ROBO2: variants seen among roughly 807,000 people sequenced by gnomAD.
ROBO2 encodes the protein roundabout homolog 2.
ROBO2 carries 53 observed loss-of-function variants against 160.8 expected under a neutral mutation model. That is an observed-to-expected ratio of 0.33 (90% CI 0.26 to 0.41). The LOEUF is 0.41. Ranked by LOEUF, ROBO2 falls within the 10% of genes least tolerant of loss-of-function variation. The pLI is 1.00. For missense variants in ROBO2, 1,577 were observed against 1,722.4 expected (o/e 0.92, Z 1.49); for synonymous variants, 664 against 611.7 (o/e 1.09, Z -1.26).
chr3:76,113,185 T>G (rs1002927129), intron 2 of ROBO2, among the ~76,000 whole-genome samples: 1 of 152,166 alleles, frequency 6.6e-6, no homozygotes, highest in African/African-American at 2.4e-5. Flanking sequence ...TAAAGACTTA[T>G]GTAATTATTC....
intron 2 of ROBO2, among the ~76,000 whole-genome samples, chr3:76,409,831 C>T (rs558528180): frequency 3.3e-5 from 5 of 152,062 alleles, no homozygotes; most frequent in Admixed American, 6.6e-5. Context: ...CTTAAATAAG[C>T]GAAACAAATG....
At position 76,033,749 on chromosome 3, in the gene ROBO2, G is replaced by T. The variant is rs370591763; in HGVS notation, c.109+96147G>T. Among the ~76,000 whole-genome samples the T allele has an allele frequency of 4.7e-4, 71 of 152,292 alleles. No homozygotes were observed. In the South Asian group the frequency reaches 0.014, roughly 30 times the overall value. Reference sequence around the variant, plus strand: ...GGCTGGGACAGCTCACCTGGAGCTAGTGGAACCCATTGGCCTCATTCACAC... The same window carrying T: ...GGCTGGGACAGCTCACCTGGAGCTATTGGAACCCATTGGCCTCATTCACAC... On this transcript the variant is annotated intron_variant, in intron 2 of 26. Transcript: ENST00000487694.
chr3:76,904,161 T>A (rs2075432899), intron 2 of ROBO2, among the ~76,000 whole-genome samples: 1 of 152,200 alleles, frequency 6.6e-6, no homozygotes, highest in South Asian at 2.1e-4. Flanking sequence ...TCATTTTAAC[T>A]ATTTTTAAGG....
chr3:77,137,376 G>A (rs570928024), intron 2 of ROBO2, among the ~76,000 whole-genome samples: 9 of 151,992 alleles, frequency 5.9e-5, no homozygotes, highest in South Asian at 2.1e-4. Flanking sequence ...ACAGGCATGC[G>A]CCACCACGCC....
At chr3:77,109,576 A>G (rs2073301769) in intron 2 of ROBO2, among the ~76,000 whole-genome samples, 1 of 152,212 alleles carries the variant, frequency 6.6e-6, no homozygotes. Context: ...GAGAATGTGG[A>G]ACAGGTGAAA....
At chr3:77,113,314 A>G (rs1360451484) in intron 2 of ROBO2, among the ~76,000 whole-genome samples, 1 of 152,198 alleles carries the variant, frequency 6.6e-6, no homozygotes, top group African/African-American at 2.4e-5. Flanking sequence ...TTTAATATTC[A>G]TACAGGATTT....
intron 2 of ROBO2, among the ~76,000 whole-genome samples, chr3:76,625,453 T>C (rs1449829973): frequency 3.3e-5 from 5 of 152,068 alleles, no homozygotes; most frequent in Non-Finnish European, 7.4e-5. Context: ...ATACATGTAC[T>C]ATGGGGGCCA....
At chr3:76,978,674 A>G (rs1333761219) in intron 2 of ROBO2, among the ~76,000 whole-genome samples, 2 of 152,138 alleles carry the variant, frequency 1.3e-5, no homozygotes, top group Non-Finnish European at 2.9e-5. Flanking sequence ...GAAATAAAAT[A>G]GGTAACAGAT....
intron 2 of ROBO2, among the ~76,000 whole-genome samples, chr3:76,129,007 G>A (rs79319000): frequency 0.021 from 3,143 of 151,470 alleles, 106 homozygotes; most frequent in African/African-American, 0.064. Flanking sequence ...CCTTTGCTGT[G>A]AGGTTATACT....
chr3:77,081,597 GC>G (rs2068664899), intron 1 of ROBO2, among the ~76,000 whole-genome samples: 2 of 152,224 alleles, frequency 1.3e-5, no homozygotes, highest in South Asian at 4.1e-4. Flanking sequence ...AGTGTGGGCT[GC>G]CTGCCAGTGT....
At chr3:75,972,023 T>G (rs1366300265) in intron 2 of ROBO2, among the ~76,000 whole-genome samples, 1 of 151,664 alleles carries the variant, frequency 6.6e-6, no homozygotes, top group Non-Finnish European at 1.5e-5. Context: ...CTTAGAAAAG[T>G]GAGATTTCAG....
intron 2 of ROBO2, among the ~76,000 whole-genome samples, chr3:77,202,356 T>A (rs1005268338): frequency 3.9e-5 from 6 of 152,174 alleles, no homozygotes; most frequent in African/African-American, 1.4e-4. Context: ...CATCTACATT[T>A]TAGAGTGATA....
At chr3:76,136,432 T>A (rs972974286) in intron 2 of ROBO2, among the ~76,000 whole-genome samples, 1 of 152,122 alleles carries the variant, frequency 6.6e-6, no homozygotes, top group African/African-American at 2.4e-5. Context: ...AACTTGATAA[T>A]GATTGAAAAA....
Position 77,305,075 on chromosome 3 carries a change from G to C in ROBO2, c.389-172339G>C, listed in dbSNP as rs576228779. 2.6e-5 allele frequency among the ~76,000 whole-genome samples: 4 copies of C among 152,234 alleles called. No homozygotes were observed. The East Asian group carries it at 5.8e-4, about 22-fold the overall frequency. ...TATTTGCTCAATAAGGACTCTATTTGTTGGCCTCAATGAGTTAATTTAAGT... is the reference window on the plus strand; with the variant it reads ...TATTTGCTCAATAAGGACTCTATTTCTTGGCCTCAATGAGTTAATTTAAGT... On this transcript the variant is annotated intron_variant, in intron 2 of 25. Coordinates refer to ENST00000461745, the Ensembl canonical transcript of ROBO2.
intron 1 of ROBO2, among the ~76,000 whole-genome samples, chr3:75,928,626 T>C (rs1048815843): frequency 9.2e-5 from 14 of 152,200 alleles, no homozygotes; most frequent in African/African-American, 3.4e-4. Context: ...AGAGCTGGAC[T>C]CTTTTTCTTT....
intron 2 of ROBO2, among the ~76,000 whole-genome samples, chr3:76,892,607 T>C (rs1286222155): frequency 6.6e-6 from 1 of 152,278 alleles, no homozygotes. Context: ...AAGCTCTATA[T>C]GCTTTGTCCT....
At chr3:76,288,624 A>G (rs961043403) in intron 2 of ROBO2, among the ~76,000 whole-genome samples, 1 of 152,074 alleles carries the variant, frequency 6.6e-6, no homozygotes, top group Non-Finnish European at 1.5e-5. Flanking sequence ...AGAGTTTTCA[A>G]TCTTCGCTCT....
At chr3:77,164,904 G>C (rs1295200317) in intron 2 of ROBO2, among the ~76,000 whole-genome samples, 1 of 102,680 alleles carries the variant, frequency 9.7e-6, no homozygotes, top group African/African-American at 3.3e-5. Flanking sequence ...TCAGCCCCCC[G>C]CCCGGCCAGC....
intron 17 of ROBO2, among the ~76,000 whole-genome samples, chr3:77,593,213 TA>T (rs35319274): frequency 0.49 from 70,603 of 143,992 alleles, 16,787 homozygotes; most frequent in Middle Eastern, 0.56. Flanking sequence ...GATAGTCCAT[TA>T]AAAAAAAAAA....
Sources: gnomAD v4.1 joint callset for allele counts (sites outside exome capture counted in the v4.1 genomes callset) on GRCh38, gnomAD v4.1.1 for gene constraint, MANE v1.5 for transcripts, NCBI Gene and HGNC (gene_info 2026-07-23, HGNC 2026-07-21) for gene names.